The following LAMA1 variants were observed in gnomAD, a reference collection of about 807,000 sequenced individuals.
LAMA1 encodes the protein laminin subunit alpha-1.
In LAMA1, 219 loss-of-function variants were observed where a neutral mutation model predicts 348.7. The ratio of observed to expected loss-of-function variants is 0.63; its 90% CI spans 0.56 to 0.70. The LOEUF (loss-of-function observed/expected upper bound fraction) is 0.70. Among genes scored for constraint, LAMA1 ranks in the 30% least tolerant of loss-of-function variants. The probability of loss-of-function intolerance (pLI) is 0.00; values close to 1 mark genes in which losing one functional copy is unlikely to be tolerated. For missense variants in LAMA1, 3,744 were observed against 3,888.0 expected (o/e 0.96, Z 0.99); for synonymous variants, 1,487 against 1,491.0 (o/e 1.00, Z 0.06).
chr18:6,953,467 T>C (rs1402321908), intron 57 of LAMA1, among the ~76,000 whole-genome samples: 3 of 152,172 alleles, frequency 2.0e-5, no homozygotes, highest in African/African-American at 2.4e-5. Context: ...GAAAACACAG[T>C]GTATATGACG....
Position 6,978,185 on chromosome 18 carries a change from C to G in LAMA1, c.6190+11G>C. ...AGACGATCATGACTGGAAGGAAGGG[C>G]GCTGACATACTGGCCATGGTGGAGT... is the stretch of plus-strand genomic sequence containing the variant. On this transcript the variant is annotated intron_variant, in intron 43 of 62. Coordinates refer to ENST00000389658, the MANE Select transcript of LAMA1 (RefSeq NM_005559.4). 1.9e-6 allele frequency: 3 copies of G among 1,614,162 alleles called. No individual in the cohort carries two copies. Among genetic ancestry groups the G allele is most frequent in the Non-Finnish European group, 2.5e-6 (3 of 1,180,018 alleles).
At chr18:6,954,724 C>G (rs1246797295) in intron 57 of LAMA1, 1 of 159,776 alleles carries the variant, frequency 6.3e-6, no homozygotes, top group East Asian at 1.9e-4. Context: ...AGACAGGAGC[C>G]CAGGTCTAAG....
At chr18:7,071,293 C>T (rs7240895) in intron 3 of LAMA1, among the ~76,000 whole-genome samples, 7,326 of 152,174 alleles carry the variant, frequency 0.048, 568 homozygotes, top group African/African-American at 0.16. Context: ...GGCGATCACT[C>T]GCATTCCAGA....
chr18:7,022,420 T>G (rs1236974642), intron 19 of LAMA1, among the ~76,000 whole-genome samples: 2 of 152,246 alleles, frequency 1.3e-5, no homozygotes, highest in African/African-American at 4.8e-5. Context: ...CCCAGGGCCA[T>G]AAAACATTTC....
chr18:7,023,354 T>G lies in LAMA1; in HGVS notation c.2511A>C (p.Gly837=). The G allele has an allele frequency of 6.2e-7, 1 of 1,614,164 alleles. No homozygotes were observed. Among genetic ancestry groups the G allele is most frequent in the East Asian group, 2.2e-5 (1 of 44,872 alleles). ...WCERCADGYY[G]NPTVPGESCV... is the part of the protein sequence containing the mutation. ...AAGATTCGCCAGGCACTGTTGGGTT[T>G]CCATAGTAACCATCTGCACATCTGT... Residue 837 remains glycine, a synonymous_variant, in exon 19 of 63, where the codon GGA becomes GGC. Coordinates refer to ENST00000389658, the MANE Select transcript of LAMA1 (RefSeq NM_005559.4).
intron 1 of LAMA1, among the ~76,000 whole-genome samples, chr18:7,103,720 G>A (rs1027143692): frequency 3.3e-5 from 5 of 151,594 alleles, no homozygotes; most frequent in African/African-American, 1.2e-4. Flanking sequence ...TAGGGAGGCT[G>A]AGGCAGAAGA....
intron 29 of LAMA1, among the ~76,000 whole-genome samples, chr18:7,005,411 C>A (rs1161208557): frequency 1.3e-5 from 2 of 152,158 alleles, no homozygotes; most frequent in African/African-American, 4.8e-5. Context: ...GTAAAATGTA[C>A]ACTAAATTAC....
chr18:7,074,075 T>C (rs541921954), intron 3 of LAMA1, among the ~76,000 whole-genome samples: 2 of 152,036 alleles, frequency 1.3e-5, no homozygotes, highest in South Asian at 4.2e-4. Flanking sequence ...CCTCGTGATC[T>C]GACCTCCTCG....
intron 1 of LAMA1, among the ~76,000 whole-genome samples, chr18:7,107,739 T>G (rs1000293193): frequency 5.3e-5 from 8 of 152,002 alleles, no homozygotes; most frequent in Non-Finnish European, 7.4e-5. Context: ...TAAAATACTT[T>G]CTCAGTGGCT....
intron 57 of LAMA1, among the ~76,000 whole-genome samples, chr18:6,951,900 G>A (rs1600342673): frequency 6.6e-6 from 1 of 152,202 alleles, no homozygotes; most frequent in South Asian, 2.1e-4. Context: ...CGCGGCAACG[G>A]CAAAGAGCAG....
At position 6,982,514 on chromosome 18, in the gene LAMA1, A is replaced by T. The variant is rs773649850; in HGVS notation, c.5873T>A (p.Leu1958His). The T allele has an allele frequency of 6.2e-7, 1 of 1,614,132 alleles. No homozygotes were observed. Among genetic ancestry groups the T allele is most frequent in the South Asian group, 1.1e-5 (1 of 91,076 alleles). Residue 1958 changes from leucine to histidine, a missense_variant, in exon 41 of 63, where the codon CTC (leucine) becomes CAC (histidine). Coordinates refer to ENST00000389658, the MANE Select transcript of LAMA1 (RefSeq NM_005559.4). ...SSRFLKEGNN[L>H]SRKLPGIALE... ...ATACTGACCTGGAAGCTTCCTGCTG[A>T]GGTTGTTGCCTTCTTTTAGAAATCT...
intron 1 of LAMA1, among the ~76,000 whole-genome samples, chr18:7,096,012 G>A (rs1694459734): frequency 6.6e-6 from 1 of 152,244 alleles, no homozygotes; most frequent in South Asian, 2.1e-4. Flanking sequence ...AGGTTGCAGT[G>A]AGCCGAGATC....
intron 12 of LAMA1, among the ~76,000 whole-genome samples, chr18:7,037,339 A>G (rs1251219860): frequency 6.6e-6 from 1 of 152,194 alleles, no homozygotes; most frequent in African/African-American, 2.4e-5. Flanking sequence ...GACTTCACCA[A>G]ACACACTGCT....
At chr18:7,042,298 A>G (rs2058023966) in intron 8 of LAMA1, 48 bp from the exon 9 acceptor site, 2 of 1,071,176 alleles carry the variant, frequency 1.9e-6, no homozygotes, top group South Asian at 1.3e-5. Context: ...AATAACAGCA[A>G]TGTTGGCAAT....
At chr18:7,080,636 G>C (rs886706365) in intron 1 of LAMA1, among the ~76,000 whole-genome samples, 179 bp from the exon 2 acceptor site, 1 of 152,336 alleles carries the variant, frequency 6.6e-6, no homozygotes, top group East Asian at 1.9e-4. Flanking sequence ...TCTGGGAGAA[G>C]CAAAATTCAT....
At chr18:7,022,188 C>T (rs531352844) in intron 19 of LAMA1, among the ~76,000 whole-genome samples, 5 of 152,002 alleles carry the variant, frequency 3.3e-5, no homozygotes, top group Non-Finnish European at 7.4e-5. Context: ...AACTACCTGT[C>T]GCAGTTCTTA....
At chr18:6,989,337 T>C (rs1228431328) in intron 36 of LAMA1, among the ~76,000 whole-genome samples, 1 of 152,150 alleles carries the variant, frequency 6.6e-6, no homozygotes, top group African/African-American at 2.4e-5. Context: ...ATATGCTGAA[T>C]CCTGGGGGTC....
intron 30 of LAMA1, among the ~76,000 whole-genome samples, chr18:7,000,604 T>C (rs913643866): frequency 3.3e-5 from 5 of 152,238 alleles, no homozygotes; most frequent in African/African-American, 1.2e-4. Context: ...TCCTCATTCA[T>C]GGATTTCTGC....
chr18:7,035,860 G>A (rs963615848), intron 13 of LAMA1, 127 bp downstream of exon 13: 6 of 744,266 alleles, frequency 8.1e-6, no homozygotes, highest in Non-Finnish European at 1.4e-5. Context: ...GCAAGTCCAG[G>A]GTCTACTGAA....
Sources: gnomAD v4.1 joint callset for allele counts (sites outside exome capture counted in the v4.1 genomes callset) on GRCh38, gnomAD v4.1.1 for gene constraint, MANE v1.5 for transcripts, NCBI Gene and HGNC (gene_info 2026-07-23, HGNC 2026-07-21) for gene names.